LIN28B: variants seen among roughly 807,000 people sequenced by gnomAD.
LIN28B encodes protein lin-28 homolog B.
A neutral mutation model predicts 21.9 loss-of-function variants in LIN28B; 5 were observed. That is an observed-to-expected ratio of 0.23 (90% CI 0.12 to 0.48). The LOEUF (loss-of-function observed/expected upper bound fraction) is 0.48, where lower values mean the gene tolerates loss of function less well. Among genes scored for constraint, LIN28B ranks in the 20% least tolerant of loss-of-function variants. The pLI is 0.98. For missense variants in LIN28B, 245 were observed against 310.5 expected (o/e 0.79, Z 1.58); for synonymous variants, 109 against 111.3 (o/e 0.98, Z 0.13).
Position 104,975,867 on chromosome 6 carries a change from G to T in LIN28B, c.198+17581G>T, listed in dbSNP as rs375720253. ...TTTTTTTTTTTTTTTTGTAGAGTTG[G>T]GGTTTCACCACGTCGTCCAGGCTGG... On this transcript the variant is annotated intron_variant, in intron 2 of 3. Coordinates refer to ENST00000345080, the MANE Select transcript of LIN28B (RefSeq NM_001004317.4). 3.5e-3 allele frequency among the ~76,000 whole-genome samples: 525 copies of T among 148,468 alleles called. 2 individuals are homozygous for T. The highest frequency in any genetic ancestry group is 0.031 in the Middle Eastern group (9 of 290).
chr6:104,959,362 G>C (rs1312289523), intron 2 of LIN28B, among the ~76,000 whole-genome samples: 1 of 152,160 alleles, frequency 6.6e-6, no homozygotes, highest in Admixed American at 6.6e-5. Context: ...GAAATATTTG[G>C]TATATTTGCT....
At chr6:105,046,352 T>A (rs534132332) in intron 3 of LIN28B, among the ~76,000 whole-genome samples, 19 of 152,342 alleles carry the variant, frequency 1.2e-4, no homozygotes, top group Non-Finnish European at 2.4e-4. Flanking sequence ...GAACTCATCC[T>A]TTTTTATAGC....
At chr6:104,968,185 C>T (rs555069297) in intron 2 of LIN28B, among the ~76,000 whole-genome samples, 4 of 152,054 alleles carry the variant, frequency 2.6e-5, no homozygotes, top group Non-Finnish European at 2.9e-5. Context: ...TAAGTTTTTT[C>T]CAGTTAATTC....
intron 2 of LIN28B, among the ~76,000 whole-genome samples, chr6:104,947,560 AGT>A (rs1409576871): frequency 2.0e-5 from 3 of 152,162 alleles, no homozygotes; most frequent in African/African-American, 4.8e-5. Context: ...TTTAGTAGAA[AGT>A]GTGAAATCTA....
chr6:105,045,010 A>G (rs918187952), intron 3 of LIN28B, among the ~76,000 whole-genome samples: 2 of 152,120 alleles, frequency 1.3e-5, no homozygotes, highest in South Asian at 4.1e-4. Context: ...CTTAAAAAAA[A>G]TTTCATATGA....
chr6:105,067,783 A>G (rs1175557276), intron 3 of LIN28B, among the ~76,000 whole-genome samples: 1 of 152,206 alleles, frequency 6.6e-6, no homozygotes, highest in African/African-American at 2.4e-5. Context: ...TCTACCAAGT[A>G]CTTTTAAACA....
At chr6:104,992,864 T>C (rs745322088) in intron 2 of LIN28B, among the ~76,000 whole-genome samples, 5 of 152,120 alleles carry the variant, frequency 3.3e-5, no homozygotes, top group Non-Finnish European at 7.3e-5. Context: ...ACTTTTACTT[T>C]TCTCAAAATT....
intron 2 of LIN28B, among the ~76,000 whole-genome samples, chr6:104,947,346 A>G (rs1778168226): frequency 6.6e-6 from 1 of 152,060 alleles, no homozygotes; most frequent in Admixed American, 6.5e-5. Context: ...CTGGTCTCGA[A>G]CTCTGGACCT....
intron 2 of LIN28B, among the ~76,000 whole-genome samples, chr6:104,967,680 T>G (rs1562075321): frequency 6.7e-6 from 1 of 150,360 alleles, no homozygotes. Flanking sequence ...AATTAATTAT[T>G]ATTATTATTA....
chr6:105,075,265 G>A (rs965829635), intron 3 of LIN28B, among the ~76,000 whole-genome samples: 3 of 152,150 alleles, frequency 2.0e-5, no homozygotes, highest in African/African-American at 7.2e-5. Flanking sequence ...AACTACAAAG[G>A]CAAACTGATG....
chr6:105,077,179 G>A (rs1335422494), intron 3 of LIN28B, among the ~76,000 whole-genome samples: 2 of 152,046 alleles, frequency 1.3e-5, no homozygotes, highest in African/African-American at 4.8e-5. Context: ...GCAGTGAACC[G>A]AGATCACTGC....
At chr6:105,046,376 A>G (rs1453425987) in intron 3 of LIN28B, among the ~76,000 whole-genome samples, 3 of 152,198 alleles carry the variant, frequency 2.0e-5, no homozygotes, top group Non-Finnish European at 2.9e-5. Flanking sequence ...ATAGTATTCC[A>G]TGGTGTATAT....
chr6:105,038,644 C>T (rs1436607117), intron 3 of LIN28B, among the ~76,000 whole-genome samples: 1 of 151,992 alleles, frequency 6.6e-6, no homozygotes, highest in African/African-American at 2.4e-5. Flanking sequence ...AGGTGCTAGC[C>T]GTAACCAAAC....
At chr6:105,048,604 C>T (rs763108429) in intron 3 of LIN28B, among the ~76,000 whole-genome samples, 1 of 152,128 alleles carries the variant, frequency 6.6e-6, no homozygotes, top group Non-Finnish European at 1.5e-5. Context: ...ACCAGCTCCT[C>T]CTGTACCTCT....
intron 3 of LIN28B, among the ~76,000 whole-genome samples, chr6:105,068,938 C>T (rs1395525571): frequency 4.6e-5 from 7 of 152,100 alleles, no homozygotes; most frequent in South Asian, 2.1e-4. Context: ...CAACAGAGGC[C>T]GCATGCAGTG....
chr6:105,020,368 G>A (rs1370429555), intron 2 of LIN28B, among the ~76,000 whole-genome samples: 1 of 151,622 alleles, frequency 6.6e-6, no homozygotes, highest in African/African-American at 2.4e-5. Flanking sequence ...CTGAGTCAGG[G>A]TCTCTGTCAC....
At chr6:105,000,389 C>G (rs929086994) in intron 2 of LIN28B, among the ~76,000 whole-genome samples, 1 of 152,054 alleles carries the variant, frequency 6.6e-6, no homozygotes, top group Non-Finnish European at 1.5e-5. Flanking sequence ...TTTTTACTTT[C>G]TGTTTTTCTT....
intron 2 of LIN28B, among the ~76,000 whole-genome samples, chr6:104,982,989 G>T (rs1460300872): frequency 6.6e-6 from 1 of 151,730 alleles, no homozygotes; most frequent in African/African-American, 2.4e-5. Flanking sequence ...TTTTTTTTTG[G>T]TAGAGACAGG....
At chr6:104,971,591 G>C (rs1041863907) in intron 2 of LIN28B, among the ~76,000 whole-genome samples, 22 of 152,208 alleles carry the variant, frequency 1.4e-4, no homozygotes, top group African/African-American at 5.3e-4. Context: ...AGTTTCTGTT[G>C]ATAACAGTGG....
Sources: allele counts gnomAD v4.1 joint callset (sites outside exome capture counted in the v4.1 genomes callset), GRCh38; gene constraint gnomAD v4.1.1; transcripts MANE v1.5; gene names NCBI Gene and HGNC (gene_info 2026-07-23, HGNC 2026-07-21).